The following ZBTB20 variants were observed in gnomAD, a reference collection of about 807,000 sequenced individuals.
The protein encoded by ZBTB20 is zinc finger and BTB domain-containing protein 20.
A neutral mutation model predicts 56.9 loss-of-function variants in ZBTB20; 9 were observed. The observed-to-expected ratio is 0.16, with a 90% confidence interval of 0.10 to 0.28. ZBTB20 has a LOEUF of 0.28. Among genes scored for constraint, ZBTB20 ranks in the 10% least tolerant of loss-of-function variants. ZBTB20 has a pLI of 1.00. For missense variants in ZBTB20, 655 were observed against 1,003.0 expected (o/e 0.65, Z 4.69); for synonymous variants, 417 against 420.7 (o/e 0.99, Z 0.11).
At chr3:114,606,362 C>T (rs940969988) in intron 6 of ZBTB20, among the ~76,000 whole-genome samples, 1 of 152,116 alleles carries the variant, frequency 6.6e-6, no homozygotes. Context: ...GCTGACTTAC[C>T]GTTCTTTTAA....
intron 2 of ZBTB20, among the ~76,000 whole-genome samples, chr3:115,013,024 G>A (rs954407895): frequency 4.6e-5 from 7 of 151,598 alleles, no homozygotes; most frequent in Non-Finnish European, 1.0e-4. Context: ...ACAAATGATA[G>A]TAAAAACACA....
At chr3:114,536,989 C>G (rs1028930926) in intron 6 of ZBTB20, among the ~76,000 whole-genome samples, 5 of 152,092 alleles carry the variant, frequency 3.3e-5, no homozygotes, top group African/African-American at 4.8e-5. Flanking sequence ...AAAATTAACT[C>G]AAGATGGATT....
intron 5 of ZBTB20, among the ~76,000 whole-genome samples, chr3:114,760,084 T>C (rs1174138580): frequency 6.6e-6 from 1 of 152,174 alleles, no homozygotes; most frequent in Non-Finnish European, 1.5e-5. Context: ...CATATTAATA[T>C]GTTCATAAAC....
intron 5 of ZBTB20, among the ~76,000 whole-genome samples, chr3:114,796,351 T>C (rs1383329890): frequency 1.3e-5 from 2 of 151,964 alleles, no homozygotes; most frequent in African/African-American, 4.8e-5. Context: ...TTATAGTACA[T>C]ACAACCCGGT....
At chr3:114,745,115 A>G (rs1156877232) in intron 5 of ZBTB20, among the ~76,000 whole-genome samples, 5 of 152,270 alleles carry the variant, frequency 3.3e-5, no homozygotes, top group Middle Eastern at 3.4e-3. Flanking sequence ...TATTTTGTCT[A>G]CTGGGCTATT....
chr3:114,531,844 C>T (rs1336507995), intron 6 of ZBTB20, among the ~76,000 whole-genome samples: 1 of 152,128 alleles, frequency 6.6e-6, no homozygotes, highest in African/African-American at 2.4e-5. Flanking sequence ...GAGGGCAAGC[C>T]AAAGCAGGGT....
intron 6 of ZBTB20, among the ~76,000 whole-genome samples, chr3:114,600,277 C>G (rs1477164336): frequency 6.6e-6 from 1 of 151,958 alleles, no homozygotes; most frequent in Non-Finnish European, 1.5e-5. Context: ...TGATGTAAGG[C>G]AGGGGTTCAG....
chr3:114,874,639 A>C (rs558997563), intron 4 of ZBTB20, among the ~76,000 whole-genome samples: 2 of 152,176 alleles, frequency 1.3e-5, no homozygotes, highest in Non-Finnish European at 2.9e-5. Flanking sequence ...ACCTCAGGAA[A>C]CAGGCTACAC....
At chr3:114,911,461 A>C (rs2075534631) in intron 3 of ZBTB20, among the ~76,000 whole-genome samples, 1 of 152,026 alleles carries the variant, frequency 6.6e-6, no homozygotes, top group Admixed American at 6.6e-5. Context: ...AGAACTCAAA[A>C]TAATGATTTT....
chr3:114,896,154 C>A (rs1353147832), intron 4 of ZBTB20, among the ~76,000 whole-genome samples: 1 of 152,084 alleles, frequency 6.6e-6, no homozygotes, highest in African/African-American at 2.4e-5. Context: ...CAAACACAAC[C>A]TAAAAGGCTT....
At chr3:115,091,569 G>C (rs1385600205) in intron 1 of ZBTB20, among the ~76,000 whole-genome samples, 3 of 151,896 alleles carry the variant, frequency 2.0e-5, no homozygotes, top group South Asian at 4.1e-4. Context: ...TAAGATAAAA[G>C]GAAGAAGGTA....
intron 3 of ZBTB20, among the ~76,000 whole-genome samples, chr3:114,965,194 CATG>C (rs2107998021): frequency 6.6e-6 from 1 of 152,224 alleles, no homozygotes; most frequent in Non-Finnish European, 1.5e-5. Flanking sequence ...GTTAATATAT[CATG>C]ATGTTGTTTT....
rs1207916632 is a variant in ZBTB20, at chr3:114,751,576, C to G, written c.-343+49525G>C. On this transcript the variant is annotated intron_variant, in intron 5 of 11. Transcript: ENST00000675478. ...ATCTCTTCCTTCCTGAAAATACCCT[C>G]TTTAGGTAAAACTGTATTTCTTATC... Among the ~76,000 whole-genome samples, 73 of 152,136 alleles carry G rather than the reference C, an allele frequency of 4.8e-4. 1 individual carries two copies. Among genetic ancestry groups the G allele is most frequent in the Non-Finnish European group, 4.4e-5 (3 of 67,982 alleles).
intron 6 of ZBTB20, among the ~76,000 whole-genome samples, chr3:114,677,980 T>C (rs921912186): frequency 6.6e-6 from 1 of 152,188 alleles, no homozygotes; most frequent in African/African-American, 2.4e-5. Context: ...TTACTCTTCA[T>C]TTTGAGTATA....
At chr3:114,944,754 C>T (rs1211269397) in intron 3 of ZBTB20, among the ~76,000 whole-genome samples, 1 of 145,466 alleles carries the variant, frequency 6.9e-6, no homozygotes, top group Non-Finnish European at 1.5e-5. Flanking sequence ...TGCATGATCT[C>T]ACTTAAGTGT....
chr3:114,780,434 T>C (rs1217524563), intron 5 of ZBTB20, among the ~76,000 whole-genome samples: 2 of 152,236 alleles, frequency 1.3e-5, no homozygotes, highest in Non-Finnish European at 2.9e-5. Flanking sequence ...TTCTCTAATA[T>C]ATATCCATGT....
chr3:114,628,666 CTT>C (rs1202384809), intron 6 of ZBTB20, among the ~76,000 whole-genome samples: 1 of 152,124 alleles, frequency 6.6e-6, no homozygotes, highest in African/African-American at 2.4e-5. Context: ...TTCCTCCAAA[CTT>C]TTTGAAATTT....
At chr3:115,109,285 A>G (rs1404972255) in intron 1 of ZBTB20, among the ~76,000 whole-genome samples, 2 of 152,318 alleles carry the variant, frequency 1.3e-5, no homozygotes, top group Admixed American at 1.3e-4. Flanking sequence ...GAAAAATAAA[A>G]GTCACAGAGA....
chr3:114,457,967 A>T (rs991820622), intron 7 of ZBTB20, among the ~76,000 whole-genome samples: 1 of 152,182 alleles, frequency 6.6e-6, no homozygotes, highest in Non-Finnish European at 1.5e-5. Context: ...ATCAGTAATA[A>T]TCTGTGCAAA....
Sources: gnomAD v4.1 joint callset for allele counts (sites outside exome capture counted in the v4.1 genomes callset) on GRCh38, gnomAD v4.1.1 for gene constraint, MANE v1.5 for transcripts, NCBI Gene and HGNC (gene_info 2026-07-23, HGNC 2026-07-21) for gene names.